The following KCMF1 variants were observed in gnomAD, a reference collection of about 807,000 sequenced individuals.
KCMF1 encodes the protein potassium channel modulatory factor 1.
Under a neutral mutation model 41.1 loss-of-function variants are expected in KCMF1, and 3 were observed. That is an observed-to-expected ratio of 0.07 (90% CI 0.03 to 0.19). The LOEUF (loss-of-function observed/expected upper bound fraction) is 0.19. KCMF1 is among the 10% of genes least tolerant of loss of function. The pLI is 1.00. For synonymous variants in KCMF1, 142 were observed against 164.5 expected, an observed-to-expected ratio of 0.86 and a Z score of 1.04; for missense variants, 286 against 488.9, an observed-to-expected ratio of 0.58 and a Z score of 3.91.
intron 1 of KCMF1, among the ~76,000 whole-genome samples, chr2:85,001,663 A>T (rs182333670): frequency 3.3e-5 from 5 of 152,278 alleles, no homozygotes; most frequent in Admixed American, 6.5e-5. Flanking sequence ...AATAGCCCCC[A>T]TACAGTTCCA....
At chr2:85,038,237 A>G (rs971263827) in intron 3 of KCMF1, among the ~76,000 whole-genome samples, 13 of 152,254 alleles carry the variant, frequency 8.5e-5, no homozygotes, top group Admixed American at 7.9e-4. Context: ...TTCACTTATA[A>G]TTGAACACTT....
At chr2:84,976,040 G>A (rs1673535063) in intron 1 of KCMF1, among the ~76,000 whole-genome samples, 1 of 152,154 alleles carries the variant, frequency 6.6e-6, no homozygotes, top group Non-Finnish European at 1.5e-5. Context: ...TGGCAAGGAA[G>A]ATGCATTTTT....
At chr2:85,042,618 C>A (rs1210855295) in intron 3 of KCMF1, among the ~76,000 whole-genome samples, 3 of 152,292 alleles carry the variant, frequency 2.0e-5, no homozygotes, top group African/African-American at 4.8e-5. Context: ...TTTGGTCATG[C>A]CCCTTGCTTC....
At chr2:84,978,244 G>T (rs1454579986) in intron 1 of KCMF1, among the ~76,000 whole-genome samples, 3 of 151,988 alleles carry the variant, frequency 2.0e-5, no homozygotes, top group Non-Finnish European at 4.4e-5. Context: ...TCATCCACCC[G>T]CCTCGGCCTC....
chr2:85,044,444 C>G (rs1016543492), intron 4 of KCMF1, among the ~76,000 whole-genome samples: 1 of 152,010 alleles, frequency 6.6e-6, no homozygotes, highest in Non-Finnish European at 1.5e-5. Flanking sequence ...GTGCTATCTT[C>G]AGCTTATTGC....
chr2:85,059,291 C>T lies in KCMF1; in HGVS notation c.*5882C>T, dbSNP rs755813491. On this transcript the variant is annotated 3_prime_UTR_variant, in exon 7 of 7. Coordinates refer to ENST00000409785, the MANE Select transcript of KCMF1 (RefSeq NM_020122.5). Reference sequence around the variant, plus strand: ...AGCCACCATGTGTGCTGACCACTCACGATTCAGACTTACCTTGGAAAATAT... The same window carrying T: ...AGCCACCATGTGTGCTGACCACTCATGATTCAGACTTACCTTGGAAAATAT... The T allele has an allele frequency of 3.3e-5, 5 of 152,178 alleles. No homozygotes were observed. Among genetic ancestry groups the T allele is most frequent in the Admixed American group, 6.5e-5 (1 of 15,276 alleles). 9.4% of individuals were successfully genotyped at this position (152,178 alleles called of 1,614,324 possible).
intron 1 of KCMF1, among the ~76,000 whole-genome samples, chr2:85,016,695 C>CTTT (rs747440965): frequency 7.0e-6 from 1 of 142,974 alleles, no homozygotes; most frequent in Admixed American, 7.0e-5. Context: ...TATAGTTTAT[C>CTTT]TTTTTTTTTT....
chr2:85,008,397 T>TAA (rs1558573716), intron 1 of KCMF1, among the ~76,000 whole-genome samples: 1 of 19,552 alleles, frequency 5.1e-5, no homozygotes, highest in Non-Finnish European at 1.5e-4. Flanking sequence ...ATGATATATA[T>TAA]TATATATCAT....
At chr2:84,976,667 A>G (rs1000243193) in intron 1 of KCMF1, among the ~76,000 whole-genome samples, 9 of 151,902 alleles carry the variant, frequency 5.9e-5, no homozygotes, top group African/African-American at 2.2e-4. Context: ...TGAGATTTCA[A>G]GTAGAGTCCT....
At chr2:85,025,833 G>A (rs1382609716) in intron 1 of KCMF1, among the ~76,000 whole-genome samples, 8 of 151,980 alleles carry the variant, frequency 5.3e-5, no homozygotes, top group African/African-American at 1.9e-4. Flanking sequence ...GTTTTGCAGT[G>A]AAGAAATACA....
intron 1 of KCMF1, among the ~76,000 whole-genome samples, chr2:85,013,089 A>G (rs896495037): frequency 2.5e-4 from 38 of 152,158 alleles, no homozygotes; most frequent in African/African-American, 9.2e-4. Flanking sequence ...AGAACAAGTC[A>G]TCTTTCATCA....
chr2:84,988,793 C>T (rs1323201879), intron 1 of KCMF1, among the ~76,000 whole-genome samples: 1 of 152,156 alleles, frequency 6.6e-6, no homozygotes, highest in Non-Finnish European at 1.5e-5. Flanking sequence ...GTTGAGAAGC[C>T]ATCTGACTTT....
At chr2:85,008,868 AGTCC>A (rs1674585850) in intron 1 of KCMF1, among the ~76,000 whole-genome samples, 1 of 150,686 alleles carries the variant, frequency 6.6e-6, no homozygotes, top group Non-Finnish European at 1.5e-5. Flanking sequence ...GGGCTCAGGC[AGTCC>A]TCCCCCGCTC....
chr2:85,040,443 C>T (rs554289308), intron 3 of KCMF1, among the ~76,000 whole-genome samples: 1 of 152,242 alleles, frequency 6.6e-6, no homozygotes, highest in Non-Finnish European at 1.5e-5. Context: ...CAGTGGCTTG[C>T]TTTGTCTCTC....
intron 3 of KCMF1, among the ~76,000 whole-genome samples, chr2:85,043,272 G>GT (rs150726095): frequency 6.6e-6 from 1 of 151,864 alleles, no homozygotes; most frequent in Admixed American, 6.6e-5. Context: ...ACATTTTAAA[G>GT]TTTTTTTTAA....
rs537044678 is a variant in KCMF1 at position 85,041,970 on chromosome 2, A to G, written c.325-1594A>G. Among the ~76,000 whole-genome samples the G allele has an allele frequency of 3.3e-5, 5 of 152,290 alleles. No homozygotes were observed. In the South Asian group the frequency reaches 8.3e-4, roughly 25 times the overall value. On this transcript the variant is annotated intron_variant, in intron 3 of 6. Transcript: ENST00000409785. Reference sequence around the variant, plus strand: ...AGATAGTAAAAGTTAAATCCCTAGTAAAGAGAGAGTGGATGGATAATCTGT... The same window carrying G: ...AGATAGTAAAAGTTAAATCCCTAGTGAAGAGAGAGTGGATGGATAATCTGT...
At chr2:85,011,212 T>C (rs2104004395) in intron 1 of KCMF1, among the ~76,000 whole-genome samples, 1 of 152,308 alleles carries the variant, frequency 6.6e-6, no homozygotes, top group East Asian at 1.9e-4. Flanking sequence ...CCCTTTAAGG[T>C]TTCTTCTGTG....
chr2:84,981,225 T>A (rs1360228961), intron 1 of KCMF1, among the ~76,000 whole-genome samples: 2 of 151,772 alleles, frequency 1.3e-5, no homozygotes, highest in Non-Finnish European at 2.9e-5. Flanking sequence ...AGTCTCACTC[T>A]GTTGCCCAGG....
intron 1 of KCMF1, among the ~76,000 whole-genome samples, chr2:84,984,801 G>A (rs528612275): frequency 6.6e-5 from 10 of 151,978 alleles, no homozygotes; most frequent in Non-Finnish European, 8.8e-5. Flanking sequence ...GTCCAGCCTG[G>A]GCAGCAAGTA....
Sources: allele counts gnomAD v4.1 joint callset (sites outside exome capture counted in the v4.1 genomes callset), GRCh38; gene constraint gnomAD v4.1.1; transcripts MANE v1.5; gene names NCBI Gene and HGNC (gene_info 2026-07-23, HGNC 2026-07-21).